The following CEP112 variants were observed in gnomAD, a reference collection of about 807,000 sequenced individuals.
CEP112 encodes the protein centrosomal protein of 112 kDa.
CEP112 carries 127 observed loss-of-function variants against 153.0 expected under a neutral mutation model. That is an observed-to-expected ratio of 0.83 (90% confidence interval 0.72 to 0.96). The LOEUF is 0.96. Among genes scored for constraint, CEP112 ranks in the 40% least tolerant of loss-of-function variants. The pLI is 0.00. For synonymous variants in CEP112, 358 were observed against 374.4 expected (o/e 0.96, Z 0.51); for missense variants, 1,089 against 1,101.2 (o/e 0.99, Z 0.16).
At chr17:65,805,308 C>G (rs977449885) in intron 21 of CEP112, among the ~76,000 whole-genome samples, 1 of 152,188 alleles carries the variant, frequency 6.6e-6, no homozygotes, top group East Asian at 1.9e-4. Context: ...TATTTAGGAG[C>G]TGCCCTTAGT....
chr17:65,943,519 G>A (rs1342854177), intron 18 of CEP112, among the ~76,000 whole-genome samples: 2 of 152,178 alleles, frequency 1.3e-5, no homozygotes, highest in Admixed American at 6.5e-5. Flanking sequence ...TTTTCTTTAA[G>A]AATGTTGAAT....
At chr17:65,819,350 A>C (rs1228592531) in intron 21 of CEP112, among the ~76,000 whole-genome samples, 2 of 151,916 alleles carry the variant, frequency 1.3e-5, no homozygotes, top group Admixed American at 6.6e-5. Flanking sequence ...AACAATAAAA[A>C]TAAAAACCAA....
At chr17:66,125,830 C>A (rs890157531) in intron 6 of CEP112, among the ~76,000 whole-genome samples, 1 of 151,842 alleles carries the variant, frequency 6.6e-6, no homozygotes, top group Non-Finnish European at 1.5e-5. Context: ...ATTAGAATTG[C>A]AAAGAAAATA....
chr17:65,751,562 C>T (rs925636000), intron 21 of CEP112, among the ~76,000 whole-genome samples: 3 of 152,316 alleles, frequency 2.0e-5, no homozygotes, highest in African/African-American at 4.8e-5. Context: ...TTTCTCTCGT[C>T]TCTCTGTACG....
chr17:65,871,025 A>C (rs1370048033), intron 20 of CEP112, among the ~76,000 whole-genome samples: 2 of 152,216 alleles, frequency 1.3e-5, no homozygotes, highest in East Asian at 1.9e-4. Context: ...CTAAGGTTGC[A>C]ACCACCCACC....
chr17:65,721,914 A>G (rs1392378329), intron 23 of CEP112, among the ~76,000 whole-genome samples: 3 of 152,200 alleles, frequency 2.0e-5, no homozygotes, highest in Non-Finnish European at 2.9e-5. Context: ...GACTGCCCAC[A>G]TGAGAAATGG....
At chr17:65,747,616 C>T (rs1156844045) in intron 22 of CEP112, among the ~76,000 whole-genome samples, 2 of 152,150 alleles carry the variant, frequency 1.3e-5, no homozygotes, top group Non-Finnish European at 2.9e-5. Flanking sequence ...GCACTCACCA[C>T]CACTGCAGTG....
At chr17:66,070,814 G>A (rs935939185) in intron 8 of CEP112, among the ~76,000 whole-genome samples, 1 of 152,090 alleles carries the variant, frequency 6.6e-6, no homozygotes, top group African/African-American at 2.4e-5. Context: ...ATTGGAGTCT[G>A]GCAGACCTCT....
chr17:66,143,861 C>T (rs1157307593), intron 4 of CEP112, among the ~76,000 whole-genome samples: 6 of 152,184 alleles, frequency 3.9e-5, no homozygotes, highest in African/African-American at 9.7e-5. Flanking sequence ...TATCATGAAA[C>T]GGGCAACAAA....
At chr17:66,024,099 C>T (rs1179409931) in intron 16 of CEP112, among the ~76,000 whole-genome samples, 1 of 152,122 alleles carries the variant, frequency 6.6e-6, no homozygotes, top group Non-Finnish European at 1.5e-5. Flanking sequence ...GCAGAAAAAG[C>T]ATTTGTTAAA....
At chr17:65,822,630 T>G (rs887085847) in intron 21 of CEP112, among the ~76,000 whole-genome samples, 1 of 152,190 alleles carries the variant, frequency 6.6e-6, no homozygotes, top group African/African-American at 2.4e-5. Context: ...ACTGAAAAAT[T>G]ACAAATGCTC....
intron 23 of CEP112, among the ~76,000 whole-genome samples, chr17:65,731,552 C>A (rs1484505202): frequency 2.0e-5 from 3 of 152,052 alleles, no homozygotes; most frequent in Non-Finnish European, 2.9e-5. Context: ...ATTTCTTAAA[C>A]AAGATAAAAA....
At chr17:65,676,928 G>C (rs2047263735) in intron 24 of CEP112, among the ~76,000 whole-genome samples, 1 of 152,086 alleles carries the variant, frequency 6.6e-6, no homozygotes, top group Non-Finnish European at 1.5e-5. Flanking sequence ...TTCAACTGGG[G>C]GAGCCTGGCC....
chr17:65,978,495 G>C (rs979726825), intron 17 of CEP112, among the ~76,000 whole-genome samples: 15 of 152,202 alleles, frequency 9.9e-5, no homozygotes, highest in Admixed American at 2.6e-4. Context: ...AAATCTCTAT[G>C]AACCTCAGTT....
At chr17:66,033,706 A>T (rs1341107520) in intron 12 of CEP112, among the ~76,000 whole-genome samples, 1 of 152,196 alleles carries the variant, frequency 6.6e-6, no homozygotes, top group African/African-American at 2.4e-5. Flanking sequence ...TCTACTGCCT[A>T]TATTTCTGTG....
intron 17 of CEP112, among the ~76,000 whole-genome samples, chr17:65,978,266 T>C (rs12451087): frequency 4.0e-5 from 1 of 24,918 alleles, no homozygotes; most frequent in Non-Finnish European, 9.1e-5. Flanking sequence ...TAAAAGAAAA[T>C]AAGTAATGAC....
intron 18 of CEP112, among the ~76,000 whole-genome samples, chr17:65,929,210 C>T (rs1340521917): frequency 6.6e-6 from 1 of 152,072 alleles, no homozygotes; most frequent in South Asian, 2.1e-4. Flanking sequence ...TGAATTTTAT[C>T]TCAACAAAGC....
chr17:65,720,450 C>T (rs561526523), intron 23 of CEP112, among the ~76,000 whole-genome samples: 4 of 152,170 alleles, frequency 2.6e-5, no homozygotes, highest in East Asian at 3.9e-4. Flanking sequence ...AAAGAGGGGC[C>T]GTGAAGGTTT....
intron 17 of CEP112, among the ~76,000 whole-genome samples, chr17:65,998,749 T>C (rs1301849243): frequency 6.6e-6 from 1 of 152,134 alleles, no homozygotes; most frequent in East Asian, 1.9e-4. Flanking sequence ...CTCAATAATC[T>C]TAGAGGGAAC....
Sources: allele counts gnomAD v4.1 joint callset (sites outside exome capture counted in the v4.1 genomes callset), GRCh38; gene constraint gnomAD v4.1.1; transcripts MANE v1.5; gene names NCBI Gene and HGNC (gene_info 2026-07-23, HGNC 2026-07-21).